Variants in KRCC1 observed in about 807,000 individuals in gnomAD.
The protein encoded by KRCC1 is lysine-rich coiled-coil protein 1.
KRCC1 carries 3 observed loss-of-function variants against 7.4 expected under a neutral mutation model. The observed-to-expected ratio is 0.40, with a 90% CI of 0.18 to 1.04. The LOEUF (loss-of-function observed/expected upper bound fraction) is 1.04, where lower values mean the gene tolerates loss of function less well. Ranked by LOEUF, KRCC1 falls within the 50% of genes least tolerant of loss-of-function variation. The probability of loss-of-function intolerance (pLI) is 0.33; values close to 1 mark genes in which losing one functional copy is unlikely to be tolerated. For synonymous variants in KRCC1, 102 were observed against 101.6 expected, an observed-to-expected ratio of 1.00 and a Z score of -0.02; for missense variants, 277 against 300.9, an observed-to-expected ratio of 0.92 and a Z score of 0.59.
chr2:88,045,330 G>A (rs565990736), intron 1 of KRCC1, among the ~76,000 whole-genome samples: 9 of 152,236 alleles, frequency 5.9e-5, no homozygotes, highest in Admixed American at 3.9e-4. Flanking sequence ...CAACTCTAAT[G>A]TCCATCCACA....
chr2:88,028,706 G>C, intron 3 of KRCC1, 121 bp from the exon 4 acceptor site: 1 of 644,104 alleles, frequency 1.6e-6, no homozygotes, highest in Non-Finnish European at 2.5e-6. Context: ...CTAGAGTGCA[G>C]TGGGGTTGCT....
chr2:88,053,050 T>C (rs1466350330), intron 1 of KRCC1, among the ~76,000 whole-genome samples: 1 of 152,110 alleles, frequency 6.6e-6, no homozygotes, highest in Non-Finnish European at 1.5e-5. Flanking sequence ...GGAATTATGA[T>C]TGGCTCTTCT....
chr2:88,051,942 A>C (rs1324445441), intron 1 of KRCC1, among the ~76,000 whole-genome samples: 1 of 152,250 alleles, frequency 6.6e-6, no homozygotes, highest in South Asian at 2.1e-4. Context: ...TTGCTGTGTG[A>C]GTGTGGGAAC....
Position 88,036,160 on chromosome 2 carries a change from A to C in KRCC1, c.-182+783T>G, listed in dbSNP as rs1021423353. 2.6e-5 allele frequency among the ~76,000 whole-genome samples: 4 copies of C among 152,232 alleles called. No homozygotes were observed. The South Asian group carries it at 6.2e-4, about 24-fold the overall frequency. On this transcript the variant is annotated intron_variant, in intron 2 of 3. Transcript: ENST00000347055. The stretch of plus-strand genomic sequence containing the variant: ...AGCAGGCCTTATGTTTCATTTAAGT[A>C]AATGTATCTACTACTTTTGGTATCC...
rs574822268 is a variant in KRCC1 at position 88,043,674 on chromosome 2, T to C, written c.-290-6623A>G. Among the ~76,000 whole-genome samples the C allele has an allele frequency of 1.6e-4, 24 of 152,352 alleles. No homozygotes were observed. The East Asian group carries it at 4.4e-3, about 28-fold the overall frequency. On this transcript the variant is annotated intron_variant, in intron 1 of 3. Transcript: ENST00000347055. Reference sequence around the variant, plus strand: ...TACTGTTCCAAGCACTTATACATAGTAACTTTTTTATGGAGATGAAGTTTT... The same window carrying C: ...TACTGTTCCAAGCACTTATACATAGCAACTTTTTTATGGAGATGAAGTTTT...
intron 3 of KRCC1, among the ~76,000 whole-genome samples, chr2:88,029,998 C>T (rs1672963884): frequency 6.6e-6 from 1 of 151,084 alleles, no homozygotes; most frequent in Non-Finnish European, 1.5e-5. Context: ...CAGGTGCACA[C>T]CACCACGCCT....
chr2:88,054,883 C>T (rs1279282112), intron 1 of KRCC1, among the ~76,000 whole-genome samples: 2 of 152,188 alleles, frequency 1.3e-5, no homozygotes, highest in East Asian at 1.9e-4. Flanking sequence ...GCAGAAGGAT[C>T]GCTTAAGCCC....
rs140454442 is a variant in KRCC1 at position 88,032,557 on chromosome 2, C to T, written c.-23+1577G>A. On this transcript the variant is annotated intron_variant, in intron 3 of 3. Transcript: ENST00000347055. Reference sequence around the variant, plus strand: ...TCATGACACATTTCTCAGAATGTATCCTGGTCGTTAACGGACACATGACTG... The same window carrying T: ...TCATGACACATTTCTCAGAATGTATTCTGGTCGTTAACGGACACATGACTG... Among the ~76,000 whole-genome samples the T allele has an allele frequency of 1.6e-3, 237 of 152,274 alleles. 1 individual carries two copies. Among genetic ancestry groups the T allele is most frequent in the African/African-American group, 3.4e-3 (143 of 41,546 alleles).
At chr2:88,049,550 A>C (rs1235086118) in intron 1 of KRCC1, among the ~76,000 whole-genome samples, 1 of 152,206 alleles carries the variant, frequency 6.6e-6, no homozygotes, top group Non-Finnish European at 1.5e-5. Flanking sequence ...TAGGAGGCTG[A>C]GGTGGGAGAA....
chr2:88,051,054 G>A (rs1296130798), intron 1 of KRCC1, among the ~76,000 whole-genome samples: 7 of 150,960 alleles, frequency 4.6e-5, no homozygotes, highest in Admixed American at 1.3e-4. Context: ...CTCCCAAGTA[G>A]CTGGGACTAC....
intron 1 of KRCC1, among the ~76,000 whole-genome samples, chr2:88,038,595 G>C (rs1453532002): frequency 6.6e-6 from 1 of 152,160 alleles, no homozygotes; most frequent in Admixed American, 6.5e-5. Flanking sequence ...TTCTTACACT[G>C]TTACAAAGAC....
chr2:88,050,922 TGC>T (rs374455929), intron 1 of KRCC1, among the ~76,000 whole-genome samples: 23,902 of 104,490 alleles, frequency 0.23, 2,392 homozygotes, highest in Non-Finnish European at 0.3. Context: ...CTTCCTTACT[TGC>T]TTTTTTTTTT....
intron 1 of KRCC1, among the ~76,000 whole-genome samples, chr2:88,041,282 G>A (rs899555337): frequency 1.3e-5 from 2 of 152,206 alleles, no homozygotes; most frequent in African/African-American, 2.4e-5. Context: ...TTGATCCTGC[G>A]TAAAGTTATC....
At chr2:88,053,934 G>A (rs1673555642) in intron 1 of KRCC1, among the ~76,000 whole-genome samples, 1 of 152,086 alleles carries the variant, frequency 6.6e-6, no homozygotes, top group Non-Finnish European at 1.5e-5. Context: ...GCAACATAAG[G>A]CAACACAGCA....
intron 1 of KRCC1, among the ~76,000 whole-genome samples, chr2:88,051,427 C>A (rs188698383): frequency 6.6e-6 from 1 of 152,294 alleles, no homozygotes; most frequent in East Asian, 1.9e-4. Flanking sequence ...TTGGAGGAAT[C>A]TGCTAACAAA....
intron 3 of KRCC1, among the ~76,000 whole-genome samples, chr2:88,032,213 A>G (rs572628271): frequency 1.3e-5 from 2 of 152,272 alleles, no homozygotes; most frequent in South Asian, 4.1e-4. Context: ...AGCAGTGTAC[A>G]GTAATATCTT....
chr2:88,039,163 C>G (rs963228255), intron 1 of KRCC1, among the ~76,000 whole-genome samples: 1 of 151,986 alleles, frequency 6.6e-6, no homozygotes, highest in African/African-American at 2.4e-5. Context: ...TGAGTAGGGT[C>G]AAACATTTAA....
intron 2 of KRCC1, among the ~76,000 whole-genome samples, chr2:88,034,821 C>T (rs1335796084): frequency 6.6e-6 from 1 of 152,114 alleles, no homozygotes; most frequent in African/African-American, 2.4e-5. Flanking sequence ...CCCAACCCTA[C>T]CACCCAGCCT....
At position 88,036,993 on chromosome 2, in the gene KRCC1, C is replaced by T. The variant is rs1673104825; in HGVS notation, c.-232G>A. The T allele has an allele frequency of 6.6e-6, 1 of 152,276 alleles. No individual in the cohort carries two copies. The highest frequency in any genetic ancestry group is 1.9e-4 in the East Asian group (1 of 5,186). 9.4% of individuals were successfully genotyped at this position (152,276 alleles called of 1,614,324 possible). On this transcript the variant is annotated 5_prime_UTR_variant, in exon 2 of 4. The change abolishes an upstream ATG in the 5' untranslated region. Transcript: ENST00000347055. ...TTGAACTGTAACACTACTCCACAGA[C>T]ATCTTTTATAAAAGGTATCTGTAAA...
Sources: gnomAD v4.1 joint callset for allele counts (sites outside exome capture counted in the v4.1 genomes callset) on GRCh38, gnomAD v4.1.1 for gene constraint, MANE v1.5 for transcripts, NCBI Gene and HGNC (gene_info 2026-07-23, HGNC 2026-07-21) for gene names.